The following NID1 variants were observed in gnomAD, a reference collection of about 807,000 sequenced individuals.
NID1 encodes the protein nidogen 1.
A neutral mutation model predicts 130.6 loss-of-function variants in NID1; 76 were observed. That is an observed-to-expected ratio of 0.58 (90% CI 0.48 to 0.70). The LOEUF (loss-of-function observed/expected upper bound fraction) is 0.70, where lower values mean the gene tolerates loss of function less well. NID1 is among the 30% of genes least tolerant of loss of function. The pLI is 0.00. For missense variants in NID1, 1,517 were observed against 1,664.8 expected (o/e 0.91, Z 1.54); for synonymous variants, 665 against 675.1 (o/e 0.98, Z 0.23).
chr1:236,037,105 C>G (rs1558442352), intron 5 of NID1, among the ~76,000 whole-genome samples: 1 of 152,216 alleles, frequency 6.6e-6, no homozygotes, highest in Non-Finnish European at 1.5e-5. Context: ...ATTCTCCTGA[C>G]CATCTGCAAG....
rs750063029 is a variant in NID1 at position 236,011,920 on chromosome 1, C to T, written c.2527+1G>A. On this transcript the variant is annotated splice_donor_variant, in intron 12 of 19. Transcript: ENST00000264187. LOFTEE classifies it high-confidence loss of function. Reference sequence around the variant, plus strand: ...CGACTCCAGATGTCCCACCACCTTACCTCCGGGCACGCAACGGAAGCCGTC... The same window carrying T: ...CGACTCCAGATGTCCCACCACCTTATCTCCGGGCACGCAACGGAAGCCGTC... 2 of 1,613,728 alleles carry T rather than the reference C, an allele frequency of 1.2e-6. No homozygotes were observed. Among genetic ancestry groups the T allele is most frequent in the Non-Finnish European group, 1.7e-6 (2 of 1,179,996 alleles).
At chr1:236,018,834 C>T (rs957628287) in intron 9 of NID1, among the ~76,000 whole-genome samples, 1 of 152,192 alleles carries the variant, frequency 6.6e-6, no homozygotes, top group Non-Finnish European at 1.5e-5. Context: ...TCATAAATCT[C>T]TTCCCCAGCG....
rs561425575 is a variant in NID1 at position 236,048,334 on chromosome 1, C to CA, written c.525+355dup. 2.6e-4 allele frequency among the ~76,000 whole-genome samples: 38 copies of CA among 145,502 alleles called. No homozygotes were observed. The South Asian group carries it at 3.5e-3, about 14-fold the overall frequency. Reference sequence around the variant, plus strand: ...TGGGCGACAGAGCGAGACTCCATCTCAAAAAAAAAGAAAAATAAATAAATA... The same window carrying CA: ...TGGGCGACAGAGCGAGACTCCATCTCAAAAAAAAAAGAAAAATAAATAAATA... On this transcript the variant is annotated intron_variant, in intron 2 of 19. Coordinates refer to ENST00000264187, the MANE Select transcript of NID1 (RefSeq NM_002508.3).
rs887945162 is a variant in NID1, at chr1:235,976,075, C to T, written c.*1792G>A. 5 of 152,390 alleles carry T rather than the reference C, an allele frequency of 3.3e-5. No individual in the cohort carries two copies. The highest frequency in any genetic ancestry group is 7.4e-5 in the Non-Finnish European group (5 of 67,994). 9.4% of individuals were successfully genotyped at this position (152,390 alleles called of 1,614,324 possible). ...AGGGTTTAATATGAAACGATAAATA[C>T]AAAAAGTGAGACTAATTTATGGATT... On this transcript the variant is annotated 3_prime_UTR_variant, in exon 20 of 20. Coordinates refer to ENST00000264187, the MANE Select transcript of NID1 (RefSeq NM_002508.3).
Position 236,048,813 on chromosome 1 carries a change from T to G in NID1, c.402A>C (p.Ala134=), listed in dbSNP as rs1176780330. The change falls in exon 2 of 20, where the codon GCA becomes GCC. Residue 134 remains alanine, a synonymous_variant. Transcript: ENST00000264187. ...EDLSPSITQR[A]AECVHRGFPE... ...GGAACCCTCTGTGGACACACTCTGC[T>G]GCTCGCTGAGTGATGGAGGGGGATA... 1.2e-6 allele frequency: 2 copies of G among 1,614,148 alleles called. No individual in the cohort carries two copies. The highest frequency in any genetic ancestry group is 4.5e-5 in the East Asian group (2 of 44,874).
rs749829601 is a variant in NID1 at position 236,048,908 on chromosome 1, C to T, written c.307G>A (p.Ala103Thr). 1 of 1,613,946 alleles carries T rather than the reference C, an allele frequency of 6.2e-7. No individual in the cohort carries two copies. Among genetic ancestry groups the T allele is most frequent in the African/African-American group, 1.3e-5 (1 of 74,930 alleles). Residue 103 changes from alanine (A) to threonine (T), a missense_variant, in exon 2 of 20, where the codon GCA becomes ACA. Coordinates refer to ENST00000264187, the MANE Select transcript of NID1 (RefSeq NM_002508.3). ...HPGLFPPTFGAVAPFLADLDT... is the reference protein window; with the variant it reads ...HPGLFPPTFGTVAPFLADLDT... ...AAGTCCGCCAGGAAAGGGGCGACTG[C>T]ACCGAATGTTGGTGGGAAGAGCCCG...
Position 235,993,753 on chromosome 1 carries a change from G to T in NID1, c.2647C>A (p.His883Asn). Reference sequence around the variant, plus strand: ...CCGTGGCACTGGGTGGGCGCGTAGTGCCCGTGCGCATCGCACTCAGGAACG... The same window carrying T: ...CCGTGGCACTGGGTGGGCGCGTAGTTCCCGTGCGCATCGCACTCAGGAACG... The part of the protein sequence containing the change: ...LFVPECDAHG[H>N]YAPTQCHGST... Residue 883 changes from histidine (H) to asparagine (N), a missense_variant, in exon 13 of 20, where the codon CAC becomes AAC. Transcript: ENST00000264187. The T allele has an allele frequency of 6.2e-7, 1 of 1,613,772 alleles. No individual in the cohort carries two copies. Among genetic ancestry groups the T allele is most frequent in the Non-Finnish European group, 8.5e-7 (1 of 1,179,866 alleles).
chr1:236,013,278 A>T, intron 11 of NID1, 133 bp downstream of exon 11: 1 of 958,888 alleles, frequency 1.0e-6, no homozygotes, highest in African/African-American at 1.6e-5. Context: ...AAAAAGCAAC[A>T]CATTTACTCT....
At chr1:236,056,902 AC>A (rs557942234) in intron 1 of NID1, among the ~76,000 whole-genome samples, 8,485 of 151,880 alleles carry the variant, frequency 0.056, 695 homozygotes, top group African/African-American at 0.18. Flanking sequence ...AAAAAAAAAA[AC>A]AAAAACATGA....
chr1:236,052,058 T>A (rs1659774266), intron 1 of NID1, among the ~76,000 whole-genome samples: 1 of 152,246 alleles, frequency 6.6e-6, no homozygotes, highest in Non-Finnish European at 1.5e-5. Context: ...TCGTCTGTGA[T>A]AATGAAGAAG....
In NID1 at chr1:235,998,675, CA is replaced by C. The variant is rs35124724; in HGVS notation, c.2528-4804del. Among the ~76,000 whole-genome samples the C allele has an allele frequency of 6.2e-3, 903 of 144,690 alleles. 8 individuals are homozygous for C. Among genetic ancestry groups the C allele is most frequent in the African/African-American group, 0.02 (813 of 39,678 alleles). The allele number at this position is 144,690 out of a possible 152,430, so 94.9% of individuals were successfully genotyped here. A position where few individuals can be genotyped will look rare whatever the true frequency, so the allele number is the denominator to read the frequency against. On this transcript the variant is annotated intron_variant, in intron 12 of 19. Transcript: ENST00000264187. Reference sequence around the variant, plus strand: ...GGACGACAAGAGCAAAACTCTGTCTCAAAAAAAAAAAATCTGGTTTTGTTCA... The same window carrying C: ...GGACGACAAGAGCAAAACTCTGTCTCAAAAAAAAAAATCTGGTTTTGTTCA...
chr1:236,063,868 A>C (rs1431710067), intron 1 of NID1, among the ~76,000 whole-genome samples: 1 of 152,206 alleles, frequency 6.6e-6, no homozygotes, highest in Admixed American at 6.5e-5. Flanking sequence ...GCAGTCAACC[A>C]ACATGGGGGA....
chr1:236,024,557 A>G (rs577578279), intron 8 of NID1, among the ~76,000 whole-genome samples: 2 of 152,236 alleles, frequency 1.3e-5, no homozygotes, highest in Non-Finnish European at 2.9e-5. Flanking sequence ...CCAAGAATGC[A>G]CTGACTCCTG....
intron 2 of NID1, among the ~76,000 whole-genome samples, chr1:236,048,410 G>A (rs977567385): frequency 3.3e-5 from 5 of 152,130 alleles, no homozygotes; most frequent in African/African-American, 1.2e-4. Flanking sequence ...AGAGCAGCCA[G>A]GGGATGCCAT....
chr1:236,058,928 T>C (rs190206842), intron 1 of NID1, among the ~76,000 whole-genome samples: 280 of 152,286 alleles, frequency 1.8e-3, no homozygotes, highest in African/African-American at 6.2e-3. Context: ...CTTAAAATAA[T>C]TTAACATAAA....
At chr1:236,000,100 G>A (rs756466497) in intron 12 of NID1, among the ~76,000 whole-genome samples, 4 of 152,100 alleles carry the variant, frequency 2.6e-5, no homozygotes, top group Non-Finnish European at 4.4e-5. Flanking sequence ...TGTAATCCTA[G>A]CTATTTGGGA....
chr1:236,004,495 G>T (rs1002446186), intron 12 of NID1, among the ~76,000 whole-genome samples: 1 of 152,202 alleles, frequency 6.6e-6, no homozygotes, highest in Non-Finnish European at 1.5e-5. Flanking sequence ...AGGCGCGGTG[G>T]CTCATGCCTA....
At chr1:236,005,559 G>C (rs1658224576) in intron 12 of NID1, among the ~76,000 whole-genome samples, 1 of 151,962 alleles carries the variant, frequency 6.6e-6, no homozygotes, top group Non-Finnish European at 1.5e-5. Context: ...ACAATACTGG[G>C]CAAAAATTAT....
intron 14 of NID1, among the ~76,000 whole-genome samples, chr1:235,985,824 G>C (rs1247087276): frequency 6.6e-6 from 1 of 151,922 alleles, no homozygotes; most frequent in African/African-American, 2.4e-5. Context: ...GTAGTGGCGT[G>C]ATTACTGCTC....
Sources: gnomAD v4.1 joint callset for allele counts (sites outside exome capture counted in the v4.1 genomes callset) on GRCh38, gnomAD v4.1.1 for gene constraint, MANE v1.5 for transcripts, NCBI Gene and HGNC (gene_info 2026-07-23, HGNC 2026-07-21) for gene names.